Variants in SHISA9 observed in about 807,000 individuals in gnomAD.
SHISA9 encodes the protein protein shisa-9.
A neutral mutation model predicts 38.0 loss-of-function variants in SHISA9; 13 were observed. That is an observed-to-expected ratio of 0.34 (90% confidence interval 0.22 to 0.54). The LOEUF is 0.54. Among genes scored for constraint, SHISA9 ranks in the 20% least tolerant of loss-of-function variants. SHISA9 has a pLI of 0.91. For synonymous variants in SHISA9, 275 were observed against 242.0 expected (o/e 1.14, Z -1.27); for missense variants, 538 against 575.8 (o/e 0.93, Z 0.67).
chr16:13,469,432 A>AAAGAAAGAAAAAGAAAGG, the SHISA9 span, among the ~76,000 whole-genome samples: 18 of 131,138 alleles, frequency 1.4e-4, no homozygotes, highest in East Asian at 2.9e-3. Flanking sequence ...AAAAAGAAAG[A>AAAGAAAGAAAAAGAAAGG]AAGAGAAAGA....
chr16:13,198,506 T>C (rs563672236), intron 2 of SHISA9, among the ~76,000 whole-genome samples: 72 of 152,298 alleles, frequency 4.7e-4, no homozygotes, highest in Non-Finnish European at 7.1e-4. Flanking sequence ...TAGATCTCAT[T>C]CATGCTGCAT....
intron 2 of SHISA9, among the ~76,000 whole-genome samples, chr16:13,158,054 A>G (rs1167802259): frequency 6.6e-6 from 1 of 152,158 alleles, no homozygotes; most frequent in Non-Finnish European, 1.5e-5. Flanking sequence ...GTTGTGGTAT[A>G]TTAGAAAGAA....
the SHISA9 span, among the ~76,000 whole-genome samples, chr16:13,413,891 G>A: frequency 6.6e-6 from 1 of 151,228 alleles, no homozygotes; most frequent in Non-Finnish European, 1.5e-5. Flanking sequence ...AGGAAAAGAA[G>A]TAATGAGACT....
At chr16:13,094,514 G>T (rs1406048064) in intron 2 of SHISA9, among the ~76,000 whole-genome samples, 1 of 152,198 alleles carries the variant, frequency 6.6e-6, no homozygotes, top group Admixed American at 6.5e-5. Context: ...TTGTAACTGT[G>T]CCTAAAATAG....
At position 13,214,951 on chromosome 16, in the gene SHISA9, AT is replaced by A. The variant is rs138027133; in HGVS notation, c.895+1661del. On this transcript the variant is annotated intron_variant, in intron 4 of 4. Coordinates refer to ENST00000558583, the MANE Select transcript of SHISA9 (RefSeq NM_001145204.3). ...CCAAACCATATCAATAGTTGTGGCC[AT>A]TTTTTTTTTGCCGTTTCAAAAGATT... is the stretch of plus-strand genomic sequence containing the variant. Among the ~76,000 whole-genome samples the A allele has an allele frequency of 3.2e-4, 48 of 148,612 alleles. No individual in the cohort carries two copies. The South Asian group carries it at 5.1e-3, about 16-fold the overall frequency.
the SHISA9 span, among the ~76,000 whole-genome samples, chr16:13,437,217 T>C: frequency 6.6e-6 from 1 of 152,094 alleles, no homozygotes; most frequent in Non-Finnish European, 1.5e-5. Flanking sequence ...AAAAAAAATG[T>C]CATGGAAACA....
the SHISA9 span, among the ~76,000 whole-genome samples, chr16:13,383,906 C>T: frequency 0.084 from 12,809 of 152,168 alleles, 675 homozygotes; most frequent in South Asian, 0.22. Context: ...CCACCTGCCT[C>T]GGCCTCCCAA....
intron 2 of SHISA9, among the ~76,000 whole-genome samples, chr16:13,143,362 C>A (rs115439442): frequency 2.1e-3 from 316 of 152,232 alleles, no homozygotes; most frequent in African/African-American, 7.4e-3. Flanking sequence ...TAGCCTAACA[C>A]CACGGTGTAC....
chr16:13,368,263 G>A, the SHISA9 span, among the ~76,000 whole-genome samples: 2 of 152,122 alleles, frequency 1.3e-5, no homozygotes, highest in African/African-American at 4.8e-5. Flanking sequence ...AGGTGCTTCT[G>A]AGGCAGTGAG....
the SHISA9 span, among the ~76,000 whole-genome samples, chr16:13,521,425 A>T: frequency 6.6e-6 from 1 of 152,176 alleles, no homozygotes. Context: ...GCCCTGTATC[A>T]CACATATTTA....
the SHISA9 span, among the ~76,000 whole-genome samples, chr16:13,336,291 A>G: frequency 6.6e-6 from 1 of 152,378 alleles, no homozygotes; most frequent in East Asian, 1.9e-4. Flanking sequence ...CCAAATAGCC[A>G]GTCAAGATCT....
At chr16:13,150,761 C>A (rs1276534405) in intron 2 of SHISA9, among the ~76,000 whole-genome samples, 2 of 152,208 alleles carry the variant, frequency 1.3e-5, no homozygotes, top group African/African-American at 4.8e-5. Flanking sequence ...CAGGTAAAGC[C>A]ATGTGCATAT....
intron 2 of SHISA9, among the ~76,000 whole-genome samples, chr16:12,998,021 T>G (rs1283140054): frequency 2.0e-5 from 3 of 152,232 alleles, no homozygotes; most frequent in African/African-American, 4.8e-5. Flanking sequence ...GAGAAAACTA[T>G]AGACTGGGTC....
chr16:13,371,444 A>G, the SHISA9 span, among the ~76,000 whole-genome samples: 1 of 152,132 alleles, frequency 6.6e-6, no homozygotes, highest in African/African-American at 2.4e-5. Context: ...CTGGCTGCAC[A>G]TTAGAGTTGC....
chr16:13,341,144 T>C, the SHISA9 span, among the ~76,000 whole-genome samples: 1 of 152,210 alleles, frequency 6.6e-6, no homozygotes, highest in Non-Finnish European at 1.5e-5. Flanking sequence ...CCTGGCACAG[T>C]GCTTGCCCAT....
In SHISA9 at chr16:13,235,106, G is replaced by C; in HGVS notation, c.972G>C (p.Leu324=). 1 of 1,551,622 alleles carries C rather than the reference G, an allele frequency of 6.4e-7. No individual in the cohort carries two copies. The highest frequency in any genetic ancestry group is 8.7e-7 in the Non-Finnish European group (1 of 1,146,980). Residue 324 remains leucine, a synonymous_variant, in exon 5 of 5, where the codon CTG becomes CTC. Transcript: ENST00000558583. ...AELAAKGNLP[L]HPVRVEDEPR... ...TGGCTGCCAAGGGGAACTTACCTCT[G>C]CACCCCGTAAGAGTGGAGGACGAGC...
the SHISA9 span, among the ~76,000 whole-genome samples, chr16:13,496,459 C>T: frequency 6.6e-6 from 1 of 151,892 alleles, no homozygotes; most frequent in African/African-American, 2.4e-5. Flanking sequence ...TTAGCCATCT[C>T]AAGTCAATGG....
chr16:13,113,078 T>C (rs1596655474), intron 2 of SHISA9, among the ~76,000 whole-genome samples: 1 of 151,678 alleles, frequency 6.6e-6, no homozygotes, highest in East Asian at 1.9e-4. Flanking sequence ...GGCGTGGTGG[T>C]ACATGCCTGT....
At chr16:13,071,662 G>A (rs1396129015) in intron 2 of SHISA9, among the ~76,000 whole-genome samples, 1 of 138,174 alleles carries the variant, frequency 7.2e-6, no homozygotes, top group East Asian at 2.2e-4. Flanking sequence ...TTTCCTTTTT[G>A]ACAGAGTCTC....
Sources: gnomAD v4.1 joint callset for allele counts (sites outside exome capture counted in the v4.1 genomes callset) on GRCh38, gnomAD v4.1.1 for gene constraint, MANE v1.5 for transcripts, NCBI Gene and HGNC (gene_info 2026-07-23, HGNC 2026-07-21) for gene names.